TP63: variants seen among roughly 807,000 people sequenced by gnomAD.
TP63 encodes the protein tumor protein p63.
A neutral mutation model predicts 82.8 loss-of-function variants in TP63; 17 were observed. The ratio of observed to expected loss-of-function variants is 0.21; its 90% confidence interval spans 0.14 to 0.31. TP63 has a LOEUF of 0.31. Ranked by LOEUF, TP63 falls within the 10% of genes least tolerant of loss-of-function variation. TP63 has a pLI of 1.00. For synonymous variants in TP63, 330 were observed against 321.7 expected, an observed-to-expected ratio of 1.03 and a Z score of -0.28; for missense variants, 648 against 895.3, an observed-to-expected ratio of 0.72 and a Z score of 3.52.
Position 189,671,045 on chromosome 3 carries a change from T to C in TP63, c.62+39468T>C, listed in dbSNP as rs185000118. The stretch of plus-strand genomic sequence containing the variant: ...AAAGACAAATGAGAATATCTCAAAC[T>C]AAAAAACTTGTGCACAGCAAAGGAA... On this transcript the variant is annotated intron_variant, in intron 1 of 13. Transcript: ENST00000264731. Among the ~76,000 whole-genome samples, 35 of 151,974 alleles carry C rather than the reference T, an allele frequency of 2.3e-4. 1 individual carries two copies. In the East Asian group the frequency reaches 6.6e-3, roughly 29 times the overall value.
At chr3:189,664,430 A>G (rs914558048) in intron 1 of TP63, among the ~76,000 whole-genome samples, 1 of 152,166 alleles carries the variant, frequency 6.6e-6, no homozygotes, top group African/African-American at 2.4e-5. Flanking sequence ...CTGCCATCCT[A>G]TTTCCTAACT....
intron 3 of TP63, among the ~76,000 whole-genome samples, chr3:189,752,205 C>A: frequency 6.6e-6 from 1 of 151,978 alleles, no homozygotes; most frequent in Middle Eastern, 3.2e-3. Context: ...GACAGTGTGT[C>A]CCTCTTCACC....
At chr3:189,730,998 A>G (rs1560141311) in intron 1 of TP63, among the ~76,000 whole-genome samples, 1 of 152,228 alleles carries the variant, frequency 6.6e-6, no homozygotes, top group Non-Finnish European at 1.5e-5. Flanking sequence ...TAGACAATTC[A>G]TGACAAGAAT....
At chr3:189,857,763 T>G (rs138829708) in intron 4 of TP63, among the ~76,000 whole-genome samples, 59 of 152,252 alleles carry the variant, frequency 3.9e-4, no homozygotes, top group African/African-American at 1.3e-3. Context: ...CCAATATCAC[T>G]AATCAGGGAA....
intron 13 of TP63, among the ~76,000 whole-genome samples, chr3:189,892,561 G>A (rs1721123480): frequency 6.6e-6 from 1 of 152,214 alleles, no homozygotes; most frequent in African/African-American, 2.4e-5. Context: ...GGGAGGCCGA[G>A]GCAGGCGGAT....
At chr3:189,890,624 C>T (rs569281228) in intron 12 of TP63, among the ~76,000 whole-genome samples, 165 bp from the exon 13 acceptor site, 3 of 152,282 alleles carry the variant, frequency 2.0e-5, no homozygotes, top group Admixed American at 2.0e-4. Context: ...CACCAGTAAT[C>T]TCCAGACCTC....
chr3:189,847,365 C>T (rs1046632469), intron 4 of TP63, among the ~76,000 whole-genome samples: 4 of 152,084 alleles, frequency 2.6e-5, no homozygotes, highest in African/African-American at 9.7e-5. Flanking sequence ...CTTAGAATAA[C>T]AAAAATAATC....
At chr3:189,779,868 C>T (rs1724094560) in intron 3 of TP63, among the ~76,000 whole-genome samples, 1 of 152,168 alleles carries the variant, frequency 6.6e-6, no homozygotes, top group African/African-American at 2.4e-5. Flanking sequence ...GCTTACTCTG[C>T]ATACTTTCCA....
At chr3:189,712,380 A>G (rs1394185071) in intron 1 of TP63, among the ~76,000 whole-genome samples, 2 of 152,210 alleles carry the variant, frequency 1.3e-5, no homozygotes, top group East Asian at 3.9e-4. Flanking sequence ...GGAGTGCTGT[A>G]ACAAAATACC....
At chr3:189,735,131 C>T (rs1035344678) in intron 1 of TP63, among the ~76,000 whole-genome samples, 1 of 152,106 alleles carries the variant, frequency 6.6e-6, no homozygotes, top group African/African-American at 2.4e-5. Flanking sequence ...CCATTGAGTA[C>T]TGTTGATTAC....
chr3:189,867,725 C>T (rs948163311), intron 6 of TP63, 108 bp from the exon 7 acceptor site: 17 of 998,458 alleles, frequency 1.7e-5, no homozygotes, highest in East Asian at 5.2e-5. Flanking sequence ...TAGGAGGAAG[C>T]GTATCACTTC....
At chr3:189,773,105 A>G (rs1331836969) in intron 3 of TP63, among the ~76,000 whole-genome samples, 2 of 152,226 alleles carry the variant, frequency 1.3e-5, no homozygotes, top group African/African-American at 4.8e-5. Flanking sequence ...CTAAGTGACC[A>G]GGATGTGAAG....
upstream of TP63, among the ~76,000 whole-genome samples, chr3:189,626,762 C>T (rs200850728): frequency 2.6e-5 from 4 of 152,196 alleles, no homozygotes; most frequent in East Asian, 7.7e-4. Context: ...ATCTGACTTA[C>T]GCCTACAGTG....
intron 1 of TP63, among the ~76,000 whole-genome samples, chr3:189,673,493 CAGATA>C (rs1431127333): frequency 1.3e-5 from 2 of 151,814 alleles, no homozygotes; most frequent in South Asian, 2.1e-4. Flanking sequence ...ATAAATCTAT[CAGATA>C]AGATAACTTA....
intron 1 of TP63, among the ~76,000 whole-genome samples, chr3:189,731,475 G>A (rs1720172146): frequency 6.6e-6 from 1 of 152,156 alleles, no homozygotes. Flanking sequence ...CGACCTCTCA[G>A]GTCTATTATT....
intron 3 of TP63, among the ~76,000 whole-genome samples, chr3:189,773,530 T>C (rs1045106036): frequency 4.6e-5 from 7 of 152,218 alleles, no homozygotes; most frequent in Non-Finnish European, 8.8e-5. Flanking sequence ...ATTGTTTCCT[T>C]TTAGCAGACC....
chr3:189,768,156 G>A (rs1723085995), intron 3 of TP63, among the ~76,000 whole-genome samples: 1 of 152,098 alleles, frequency 6.6e-6, no homozygotes, highest in Admixed American at 6.5e-5. Flanking sequence ...TGCTGTTGCT[G>A]TTGCTGTTTT....
chr3:189,669,529 T>A (rs1714712051), intron 1 of TP63, among the ~76,000 whole-genome samples: 1 of 152,064 alleles, frequency 6.6e-6, no homozygotes, highest in Non-Finnish European at 1.5e-5. Flanking sequence ...ACTGTTTGTA[T>A]GAAGTAAAAA....
rs567767771 is a variant in TP63, at chr3:189,838,601, G to A, written c.580-25631G>A. ...CAAGCACCCCCTACACCTACCCCCA[G>A]CCAACACAGATGCTTATGTATTAGT... On this transcript the variant is annotated intron_variant, in intron 4 of 13. Coordinates refer to ENST00000264731, the MANE Select transcript of TP63 (RefSeq NM_003722.5). Among the ~76,000 whole-genome samples, 54 of 152,060 alleles carry A rather than the reference G, an allele frequency of 3.6e-4. No individual in the cohort carries two copies. The South Asian group carries it at 0.011, about 30-fold the overall frequency.
Sources: gnomAD v4.1 joint callset for allele counts (sites outside exome capture counted in the v4.1 genomes callset) on GRCh38, gnomAD v4.1.1 for gene constraint, MANE v1.5 for transcripts, NCBI Gene and HGNC (gene_info 2026-07-23, HGNC 2026-07-21) for gene names.